The following SLC19A1 variants were observed in gnomAD, a reference collection of about 807,000 sequenced individuals.
SLC19A1 encodes the protein reduced folate transporter.
Under a neutral mutation model 35.3 loss-of-function variants are expected in SLC19A1, and 37 were observed. The ratio of observed to expected loss-of-function variants is 1.05; its 90% CI spans 0.81 to 1.38. SLC19A1 has a LOEUF of 1.38. Among genes scored for constraint, SLC19A1 ranks in the 40% most tolerant of loss-of-function variants. The pLI is 0.00. For missense variants in SLC19A1, 831 were observed against 826.9 expected (o/e 1.00, Z -0.06); for synonymous variants, 460 against 398.5 (o/e 1.15, Z -1.84).
chr21:45,515,482 T>A lies in SLC19A1; in HGVS notation c.*176A>T. 2 of 1,499,010 alleles carry A rather than the reference T, an allele frequency of 1.3e-6. No individual in the cohort carries two copies. The highest frequency in any genetic ancestry group is 1.8e-6 in the Non-Finnish European group (2 of 1,136,696). 92.9% of individuals were successfully genotyped at this position (1,499,010 alleles called of 1,614,324 possible). On this transcript the variant is annotated 3_prime_UTR_variant, in exon 6 of 6. Transcript: ENST00000311124. ...AGCATGGCCAGGCAGCTGCCCTGAG[T>A]GTCGCCAGCACGCTGTGGCCACCGC...
intron 1 of SLC19A1, among the ~76,000 whole-genome samples, chr21:45,553,633 G>A (rs1449273032): frequency 1.8e-4 from 2 of 11,084 alleles, no homozygotes; most frequent in Admixed American, 1.0e-3. Context: ...ATCCCCCCGC[G>A]CCCCCCTCCT....
At chr21:45,507,862 G>A (rs1469955185), downstream of SLC19A1, among the ~76,000 whole-genome samples, 1 of 152,192 alleles carries the variant, frequency 6.6e-6, no homozygotes, top group Non-Finnish European at 1.5e-5. Context: ...GCCGCTCATT[G>A]CCCTCCTCAA....
At chr21:45,535,484 G>C (rs2078078972) in intron 2 of SLC19A1, among the ~76,000 whole-genome samples, 1 of 152,200 alleles carries the variant, frequency 6.6e-6, no homozygotes, top group African/African-American at 2.4e-5. Context: ...CCCACGGCGG[G>C]AGAAATGGCG....
intron 1 of SLC19A1, 23 bp from the exon 2 acceptor site, chr21:45,538,031 G>A: frequency 7.5e-7 from 1 of 1,331,284 alleles, no homozygotes. Context: ...GTGGAGTCAG[G>A]GCACCTTGGA....
At chr21:45,510,370 A>C (rs2037506149), downstream of SLC19A1, 1 of 1,259,332 alleles carries the variant, frequency 7.9e-7, no homozygotes, top group South Asian at 1.3e-5. Context: ...CCACCATGTT[A>C]CAGACACTGG....
intron 1 of SLC19A1, among the ~76,000 whole-genome samples, chr21:45,562,129 CAAAAA>C (rs34594751): frequency 1.6e-5 from 2 of 121,572 alleles, no homozygotes; most frequent in South Asian, 5.2e-4. Flanking sequence ...GACTCTGTCT[CAAAAA>C]AAAAAAAAAA....
chr21:45,509,351 T>C, downstream of SLC19A1: 1 of 1,545,676 alleles, frequency 6.5e-7, no homozygotes. Flanking sequence ...GTCTCCCACC[T>C]GCAGGACAAT....
chr21:45,509,853 C>T (rs2037468853), downstream of SLC19A1, among the ~76,000 whole-genome samples: 1 of 152,222 alleles, frequency 6.6e-6, no homozygotes, highest in Admixed American at 6.5e-5. Flanking sequence ...ACAGCGGCAG[C>T]TGGGGGCACC....
chr21:45,506,481 T>A (rs993067573), intron 3 of SLC19A1: 5 of 243,424 alleles, frequency 2.1e-5, no homozygotes, highest in East Asian at 1.0e-4. Flanking sequence ...GGATTGCCCC[T>A]TCCAGGACAG....
rs945053262 is a variant in SLC19A1 at position 45,540,826 on chromosome 21, C to A, written c.-50+1542G>T. On this transcript the variant is annotated intron_variant, in intron 1 of 5. Coordinates refer to ENST00000311124, the MANE Select transcript of SLC19A1 (RefSeq NM_194255.4). This position sits in a 1 kb window ranked among gnomAD's most constrained non-coding sequence, Gnocchi z 5.5. ...GCCTTCAGGAGAAGGTTGTAACAGC[C>A]CCTGCAAATCCCCGGCCCCACTGTC... Among the ~76,000 whole-genome samples, 1 of 152,154 alleles carries A rather than the reference C, an allele frequency of 6.6e-6. No homozygotes were observed. The highest frequency in any genetic ancestry group is 2.4e-5 in the African/African-American group (1 of 41,434).
intron 3 of SLC19A1, chr21:45,503,811 A>AAAAT (rs553660816): frequency 5.7e-6 from 2 of 351,732 alleles, no homozygotes; most frequent in Non-Finnish European, 1.0e-5. Flanking sequence ...ATTTAAAAAT[A>AAAAT]AAATAAAAAT....
downstream of SLC19A1, among the ~76,000 whole-genome samples, chr21:45,511,659 G>A (rs1049398981): frequency 1.3e-5 from 2 of 152,180 alleles, no homozygotes; most frequent in East Asian, 1.9e-4. Context: ...CCCAAATGTC[G>A]CTGTGCCCTC....
chr21:45,546,818 C>T (rs2078420689), upstream of SLC19A1, among the ~76,000 whole-genome samples: 1 of 152,196 alleles, frequency 6.6e-6, no homozygotes, highest in Non-Finnish European at 1.5e-5. Context: ...GCTACAGGAA[C>T]ATCCTGCGGT....
intron 1 of SLC19A1, among the ~76,000 whole-genome samples, chr21:45,562,129 CAAAA>C (rs34594751): frequency 4.9e-5 from 6 of 121,616 alleles, no homozygotes; most frequent in Non-Finnish European, 1.7e-5. Flanking sequence ...GACTCTGTCT[CAAAA>C]AAAAAAAAAA....
Position 45,521,183 on chromosome 21 carries a change from G to A in SLC19A1, c.1293+4634C>T, listed in dbSNP as rs375938914. Among the ~76,000 whole-genome samples the A allele has an allele frequency of 3.3e-4, 51 of 152,294 alleles. No homozygotes were observed. In the South Asian group the frequency reaches 3.9e-3, roughly 12 times the overall value. On this transcript the variant is annotated intron_variant, in intron 5 of 5. Transcript: ENST00000311124. ...CCTTAATCTCAGACTTCAAGCCTCCGGAACTGTGAGAGAATATATTTCTGT... is the reference window on the plus strand; with the variant it reads ...CCTTAATCTCAGACTTCAAGCCTCCAGAACTGTGAGAGAATATATTTCTGT...
Position 45,512,565 on chromosome 21 carries a change from T to C in SLC19A1, c.*3093A>G. ...CAAGAAATAAAAGGAAGCCAAAGAG[T>C]GTATTTTTTTAAAAGTTTAAAACAG... On this transcript the variant is annotated 3_prime_UTR_variant, in exon 6 of 6. Coordinates refer to ENST00000311124, the MANE Select transcript of SLC19A1 (RefSeq NM_194255.4). The C allele has an allele frequency of 1.5e-6, 1 of 683,020 alleles. No individual in the cohort carries two copies. Among genetic ancestry groups the C allele is most frequent in the Non-Finnish European group, 2.5e-6 (1 of 407,010 alleles). 42.3% of individuals were successfully genotyped at this position (683,020 alleles called of 1,614,324 possible).
Sources: gnomAD v4.1 joint callset for allele counts (sites outside exome capture counted in the v4.1 genomes callset) on GRCh38, gnomAD v4.1.1 for gene constraint, Gnocchi (gnomAD v3.1) non-coding constraint, MANE v1.5 for transcripts, NCBI Gene and HGNC (gene_info 2026-07-23, HGNC 2026-07-21) for gene names.